The following PTPN9 variants were observed in gnomAD, a reference collection of about 807,000 sequenced individuals.
PTPN9 encodes protein tyrosine phosphatase non-receptor type 9.
In PTPN9, 26 loss-of-function variants were observed where a neutral mutation model predicts 69.8. That is an observed-to-expected ratio of 0.37 (90% CI 0.27 to 0.52). The LOEUF (loss-of-function observed/expected upper bound fraction) is 0.52, where lower values mean the gene tolerates loss of function less well. PTPN9 is among the 20% of genes least tolerant of loss of function. PTPN9 has a pLI of 0.91. For synonymous variants in PTPN9, 274 were observed against 272.5 expected (o/e 1.01, Z -0.05); for missense variants, 549 against 740.3 (o/e 0.74, Z 3.00).
At chr15:75,563,467 C>T (rs190726949) in intron 1 of PTPN9, among the ~76,000 whole-genome samples, 10 of 152,320 alleles carry the variant, frequency 6.6e-5, no homozygotes, top group African/African-American at 2.4e-4. Flanking sequence ...GGATTACAGG[C>T]GTGAGCCCAC....
At chr15:75,555,280 T>A (rs777184895) in intron 1 of PTPN9, among the ~76,000 whole-genome samples, 2 of 152,138 alleles carry the variant, frequency 1.3e-5, no homozygotes, top group Non-Finnish European at 2.9e-5. Context: ...AGACTTCCCT[T>A]CCTCAACTGT....
Position 75,471,890 on chromosome 15 carries a change from C to G in PTPN9, c.1209-1060G>C, listed in dbSNP as rs1000941811. Among the ~76,000 whole-genome samples, 6 of 151,882 alleles carry G rather than the reference C, an allele frequency of 4.0e-5. 1 individual carries two copies. Among genetic ancestry groups the G allele is most frequent in the Non-Finnish European group, 5.9e-5 (4 of 67,978 alleles). On this transcript the variant is annotated intron_variant, in intron 10 of 12. Transcript: ENST00000618819. ...TCGCACCACTTAAGGTTGCAGTGAG[C>G]TGAGATCGCACCACTTAACTCCAGC...
intron 7 of PTPN9, among the ~76,000 whole-genome samples, chr15:75,504,730 G>A (rs1242285893): frequency 2.8e-5 from 4 of 145,348 alleles, no homozygotes; most frequent in Admixed American, 2.0e-4. Flanking sequence ...GGGCGCCTCT[G>A]CCCGGCCGCC....
intron 7 of PTPN9, among the ~76,000 whole-genome samples, chr15:75,502,706 C>A (rs2074780499): frequency 6.6e-6 from 1 of 152,060 alleles, no homozygotes; most frequent in Non-Finnish European, 1.5e-5. Context: ...GTACCACATA[C>A]CCCTCCTCAA....
Position 75,523,263 on chromosome 15 carries a change from A to AC in PTPN9, c.298-19_298-18insG. ...CGAACATTCTAAAGCAAATAAAACA[A>AC]GAAACATTAAAAAAATCAAATAGAA... On this transcript the variant is annotated intron_variant, in intron 3 of 12. Coordinates refer to ENST00000618819, the MANE Select transcript of PTPN9 (RefSeq NM_002833.4). The AC allele has an allele frequency of 6.2e-7, 1 of 1,609,554 alleles. No individual in the cohort carries two copies.
intron 7 of PTPN9, among the ~76,000 whole-genome samples, chr15:75,504,219 GC>G (rs1221362491): frequency 8.3e-6 from 1 of 120,706 alleles, no homozygotes; most frequent in African/African-American, 3.2e-5. Context: ...GGGGGGGTCA[GC>G]CCCCCGCCCG....
chr15:75,464,072 T>C lies in PTPN9; in HGVS notation c.*4697A>G, dbSNP rs72732842. On this transcript the variant is annotated 3_prime_UTR_variant, in exon 13 of 13. Transcript: ENST00000618819. ...GAGACCTGACCTGCTTTTCCTCCAA[T>C]TGGAAGGCCAAGGGGGAAGAGAACT... 15,229 of 152,232 alleles carry C rather than the reference T, an allele frequency of 0.1. 1,013 individuals are homozygous for C. The highest frequency in any genetic ancestry group is 0.15 in the Non-Finnish European group (10,166 of 68,096). 9.4% of individuals were successfully genotyped at this position (152,232 alleles called of 1,614,324 possible). A position where few individuals can be genotyped will look rare whatever the true frequency, so the allele number is the denominator to read the frequency against.
chr15:75,564,157 A>C (rs2075116302), intron 1 of PTPN9, among the ~76,000 whole-genome samples: 1 of 151,682 alleles, frequency 6.6e-6, no homozygotes, highest in Admixed American at 6.6e-5. Context: ...TAGCTTTGTA[A>C]ACTTTGTAAC....
intron 1 of PTPN9, among the ~76,000 whole-genome samples, chr15:75,527,793 T>A (rs1477226568): frequency 6.6e-6 from 1 of 151,244 alleles, no homozygotes; most frequent in Non-Finnish European, 1.5e-5. Flanking sequence ...GAGGCAGAGG[T>A]TGCAGTGAGC....
intron 1 of PTPN9, among the ~76,000 whole-genome samples, chr15:75,568,530 C>CAAAAA (rs1319658924): frequency 5.6e-5 from 7 of 125,470 alleles, no homozygotes; most frequent in Non-Finnish European, 3.4e-5. Flanking sequence ...AAAAACAAAA[C>CAAAAA]AAAAAAAAAA....
chr15:75,567,077 G>A (rs1051210365), intron 1 of PTPN9, among the ~76,000 whole-genome samples: 2 of 149,714 alleles, frequency 1.3e-5, no homozygotes, highest in African/African-American at 4.9e-5. Context: ...GTGCAGTGGC[G>A]TGATCTCGGC....
At chr15:75,480,679 C>G (rs951941342) in intron 8 of PTPN9, 7 of 1,263,326 alleles carry the variant, frequency 5.5e-6, no homozygotes, top group African/African-American at 4.9e-5. Context: ...GAGCCGCTGC[C>G]GCGACCGACC....
intron 1 of PTPN9, among the ~76,000 whole-genome samples, chr15:75,532,187 A>G (rs1341699544): frequency 2.0e-5 from 3 of 152,134 alleles, no homozygotes; most frequent in African/African-American, 4.8e-5. Flanking sequence ...TCATGAGGTC[A>G]GGGGTTCGAG....
chr15:75,514,431 C>T (rs2074859660), intron 5 of PTPN9, among the ~76,000 whole-genome samples: 1 of 152,030 alleles, frequency 6.6e-6, no homozygotes, highest in South Asian at 2.1e-4. Context: ...ATACAAAAAT[C>T]AGTTGGGTGT....
chr15:75,489,405 A>G (rs1403271922), intron 8 of PTPN9, among the ~76,000 whole-genome samples: 1 of 152,166 alleles, frequency 6.6e-6, no homozygotes, highest in Admixed American at 6.5e-5. Flanking sequence ...ACTAGGCAAC[A>G]TAGTGAGAAC....
intron 10 of PTPN9, among the ~76,000 whole-genome samples, chr15:75,471,091 G>A (rs552558387): frequency 6.6e-6 from 1 of 152,274 alleles, no homozygotes; most frequent in East Asian, 1.9e-4. Flanking sequence ...TTCCTAATAC[G>A]CAATAGTACG....
chr15:75,469,706 A>G (rs956905025), intron 12 of PTPN9, 86 bp downstream of exon 12: 3 of 1,438,002 alleles, frequency 2.1e-6, no homozygotes, highest in African/African-American at 1.4e-5. Flanking sequence ...TCCTTCTCCA[A>G]TCACAGATGT....
chr15:75,537,753 C>CAAAAAAAAAAAAAAAAAAAA (rs1164644727), intron 1 of PTPN9, among the ~76,000 whole-genome samples: 183 of 11,382 alleles, frequency 0.016, 26 homozygotes, highest in Non-Finnish European at 0.019. Flanking sequence ...GACTCCATCT[C>CAAAAAAAAAAAAAAAAAAAA]AAAAAAAAAA....
intron 7 of PTPN9, among the ~76,000 whole-genome samples, chr15:75,502,309 T>C (rs549664490): frequency 5.9e-5 from 9 of 152,076 alleles, no homozygotes; most frequent in African/African-American, 2.2e-4. Flanking sequence ...TAGCCAGGCA[T>C]GGTGGTGCGC....
Sources: gnomAD v4.1 joint callset for allele counts (sites outside exome capture counted in the v4.1 genomes callset) on GRCh38, gnomAD v4.1.1 for gene constraint, MANE v1.5 for transcripts, NCBI Gene and HGNC (gene_info 2026-07-23, HGNC 2026-07-21) for gene names.